LRP1B: variants seen among roughly 807,000 people sequenced by gnomAD.
LRP1B encodes low-density lipoprotein receptor-related protein 1B.
A neutral mutation model predicts 556.6 loss-of-function variants in LRP1B; 217 were observed. That is an observed-to-expected ratio of 0.39 (90% CI 0.35 to 0.44). The LOEUF (loss-of-function observed/expected upper bound fraction) is 0.44. Ranked by LOEUF, LRP1B falls within the 20% of genes least tolerant of loss-of-function variation. The pLI is 1.00. For missense variants in LRP1B, 5,053 were observed against 5,620.8 expected (o/e 0.90, Z 3.23); for synonymous variants, 2,047 against 1,865.8 (o/e 1.10, Z -2.50).
chr2:141,056,278 C>G (rs560739165), intron 9 of LRP1B, among the ~76,000 whole-genome samples: 20 of 151,942 alleles, frequency 1.3e-4, no homozygotes, highest in African/African-American at 4.3e-4. Flanking sequence ...CAACAACTCT[C>G]CACTTTCTAA....
intron 7 of LRP1B, among the ~76,000 whole-genome samples, chr2:141,161,093 A>G (rs1191087941): frequency 6.6e-6 from 1 of 152,146 alleles, no homozygotes; most frequent in Non-Finnish European, 1.5e-5. Context: ...ATTAAGTACA[A>G]TAAAATAGGA....
intron 2 of LRP1B, among the ~76,000 whole-genome samples, chr2:141,772,485 A>T (rs187709821): frequency 1.1e-4 from 16 of 152,274 alleles, no homozygotes; most frequent in African/African-American, 3.6e-4. Context: ...AGAATTTGTT[A>T]AAAATGCAAA....
intron 3 of LRP1B, among the ~76,000 whole-genome samples, chr2:141,331,523 TC>T (rs199661595): frequency 3.6e-3 from 38 of 10,618 alleles, no homozygotes; most frequent in African/African-American, 0.014. Context: ...TCTTTCTTTC[TC>T]TTTCTTTCTT....
At chr2:140,445,033 T>C (rs1414930386) in intron 63 of LRP1B, among the ~76,000 whole-genome samples, 1 of 152,206 alleles carries the variant, frequency 6.6e-6, no homozygotes, top group African/African-American at 2.4e-5. Context: ...GTTATTCCAA[T>C]ATCATCTTTT....
chr2:141,797,336 T>A (rs1479091110), intron 2 of LRP1B, among the ~76,000 whole-genome samples: 1 of 151,562 alleles, frequency 6.6e-6, no homozygotes, highest in African/African-American at 2.4e-5. Context: ...AGGAAAAGAT[T>A]GCTGTCCTTA....
intron 60 of LRP1B, among the ~76,000 whole-genome samples, chr2:140,458,551 C>G (rs900589612): frequency 6.6e-6 from 1 of 152,028 alleles, no homozygotes; most frequent in Non-Finnish European, 1.5e-5. Flanking sequence ...CTTATAAAAA[C>G]GTACTATTTC....
chr2:140,483,797 C>T (rs1223539400), intron 59 of LRP1B, among the ~76,000 whole-genome samples: 2 of 151,370 alleles, frequency 1.3e-5, no homozygotes, highest in African/African-American at 4.9e-5. Flanking sequence ...TGCGCCACCA[C>T]GCCTGGCTAA....
intron 7 of LRP1B, among the ~76,000 whole-genome samples, chr2:141,181,523 C>G (rs959913020): frequency 5.9e-5 from 9 of 151,644 alleles, no homozygotes; most frequent in African/African-American, 2.2e-4. Context: ...GGAGGTTTAA[C>G]AGACTTTGAA....
intron 21 of LRP1B, among the ~76,000 whole-genome samples, chr2:140,916,829 G>C (rs1694594122): frequency 6.7e-6 from 1 of 148,966 alleles, no homozygotes; most frequent in African/African-American, 2.5e-5. Context: ...TTTTATTATA[G>C]AAAGAATATA....
intron 7 of LRP1B, among the ~76,000 whole-genome samples, chr2:141,169,753 C>A (rs1272353473): frequency 6.1e-5 from 7 of 114,002 alleles, no homozygotes; most frequent in Non-Finnish European, 1.2e-4. Flanking sequence ...AACGGGTATA[C>A]AAAGCAAAAG....
chr2:140,341,857 G>C (rs766466467), intron 77 of LRP1B, among the ~76,000 whole-genome samples: 26 of 151,350 alleles, frequency 1.7e-4, no homozygotes, highest in Non-Finnish European at 3.7e-4. Flanking sequence ...AATGTTTTAA[G>C]AATATTTTGG....
At position 140,232,191 on chromosome 2, in the gene LRP1B, C is replaced by G. The variant is rs1364529409; in HGVS notation, c.*995G>C. Reference sequence around the variant, plus strand: ...CCAATCACTCTGTATACTAAAATGTCTGCTTTGCCCTTTGTTTTTTGACCT... The same window carrying G: ...CCAATCACTCTGTATACTAAAATGTGTGCTTTGCCCTTTGTTTTTTGACCT... On this transcript the variant is annotated 3_prime_UTR_variant, in exon 91 of 91. Coordinates refer to ENST00000389484, the MANE Select transcript of LRP1B (RefSeq NM_018557.3). 9.5e-6 allele frequency: 1 copy of G among 105,778 alleles called. No homozygotes were observed. Among genetic ancestry groups the G allele is most frequent in the Non-Finnish European group, 2.3e-5 (1 of 43,904 alleles). The allele number at this position is 105,778 out of a possible 1,614,324, so 6.6% of individuals were successfully genotyped here.
In LRP1B at chr2:140,974,478, T is replaced by A. The variant is rs191684888; in HGVS notation, c.2887+7682A>T. On this transcript the variant is annotated intron_variant, in intron 18 of 90. Transcript: ENST00000389484. The stretch of plus-strand genomic sequence containing the variant: ...CACAATTTTCAGTGCTTCCGTCTCC[T>A]TATTTATACTGTGAAAACTAAAATA... Among the ~76,000 whole-genome samples, 97 of 152,328 alleles carry A rather than the reference T, an allele frequency of 6.4e-4. 1 individual carries two copies. Among genetic ancestry groups the A allele is most frequent in the African/African-American group, 2.3e-3 (96 of 41,588 alleles).
chr2:140,321,607 A>G (rs1353911027), intron 82 of LRP1B, among the ~76,000 whole-genome samples: 3 of 151,970 alleles, frequency 2.0e-5, no homozygotes, highest in Admixed American at 6.6e-5. Flanking sequence ...TATTGAATAA[A>G]TAAATGGATT....
intron 11 of LRP1B, among the ~76,000 whole-genome samples, chr2:141,038,323 A>G (rs1249002687): frequency 6.6e-6 from 1 of 152,092 alleles, no homozygotes; most frequent in East Asian, 1.9e-4. Context: ...ATGGTGGACT[A>G]TGCATTCTAA....
chr2:141,066,171 T>G (rs986012734), intron 7 of LRP1B, among the ~76,000 whole-genome samples: 2 of 151,988 alleles, frequency 1.3e-5, no homozygotes, highest in Admixed American at 1.3e-4. Context: ...AACATTTCTT[T>G]CAAATTTTTA....
At chr2:140,569,361 G>A (rs1681240245) in intron 43 of LRP1B, among the ~76,000 whole-genome samples, 1 of 151,760 alleles carries the variant, frequency 6.6e-6, no homozygotes, top group Admixed American at 6.6e-5. Context: ...GAAAGTGAAG[G>A]GAGAAAGAAG....
intron 1 of LRP1B, among the ~76,000 whole-genome samples, chr2:141,989,447 G>A (rs895949592): frequency 6.6e-6 from 1 of 151,958 alleles, no homozygotes; most frequent in African/African-American, 2.4e-5. Flanking sequence ...TACAGATCTG[G>A]AAGAAAGTTT....
At chr2:141,221,317 C>T (rs1292184704) in intron 6 of LRP1B, among the ~76,000 whole-genome samples, 2 of 148,042 alleles carry the variant, frequency 1.4e-5, no homozygotes, top group African/African-American at 5.0e-5. Flanking sequence ...AACCAAAGGG[C>T]ATTACATAAT....
Sources: gnomAD v4.1 joint callset for allele counts (sites outside exome capture counted in the v4.1 genomes callset) on GRCh38, gnomAD v4.1.1 for gene constraint, MANE v1.5 for transcripts, NCBI Gene and HGNC (gene_info 2026-07-23, HGNC 2026-07-21) for gene names.